Variants in LRP1B observed in about 807,000 individuals in gnomAD.
LRP1B encodes the protein LDL receptor related protein 1B, also known as low-density lipoprotein receptor-related protein 1B.
In LRP1B, 217 loss-of-function variants were observed where a neutral mutation model predicts 556.6. The observed-to-expected ratio is 0.39, with a 90% CI of 0.35 to 0.44. The LOEUF (loss-of-function observed/expected upper bound fraction) is 0.44. LRP1B is among the 20% of genes least tolerant of loss of function. The pLI is 1.00. For synonymous variants in LRP1B, 2,047 were observed against 1,865.8 expected (o/e 1.10, Z -2.50); for missense variants, 5,053 against 5,620.8 (o/e 0.90, Z 3.23).
At chr2:140,987,272 T>A (rs1252677397) in intron 17 of LRP1B, among the ~76,000 whole-genome samples, 1 of 152,136 alleles carries the variant, frequency 6.6e-6, no homozygotes, top group Admixed American at 6.5e-5. Flanking sequence ...AGCAGCAGAC[T>A]TCATCTGGCA....
At chr2:141,332,084 C>T (rs1019253323) in intron 3 of LRP1B, among the ~76,000 whole-genome samples, 1 of 152,004 alleles carries the variant, frequency 6.6e-6, no homozygotes, top group Non-Finnish European at 1.5e-5. Context: ...ATCTTGGCAA[C>T]TATGGAGCTA....
chr2:140,562,296 C>T (rs2105080801), intron 43 of LRP1B, among the ~76,000 whole-genome samples: 1 of 152,212 alleles, frequency 6.6e-6, no homozygotes, highest in East Asian at 1.9e-4. Context: ...CGAAAATATA[C>T]TAATGGTTTT....
At chr2:141,077,514 GTTACTC>G (rs1699818369) in intron 7 of LRP1B, among the ~76,000 whole-genome samples, 1 of 152,148 alleles carries the variant, frequency 6.6e-6, no homozygotes, top group Non-Finnish European at 1.5e-5. Context: ...GTGGTCCACA[GTTACTC>G]AAACACTAAT....
intron 29 of LRP1B, among the ~76,000 whole-genome samples, chr2:140,846,916 A>G (rs1692290957): frequency 6.6e-6 from 1 of 152,238 alleles, no homozygotes; most frequent in Non-Finnish European, 1.5e-5. Flanking sequence ...TAATGGAAAG[A>G]TATATCCATC....
chr2:141,881,347 G>T (rs1698951447), intron 1 of LRP1B, among the ~76,000 whole-genome samples: 1 of 152,034 alleles, frequency 6.6e-6, no homozygotes, highest in Non-Finnish European at 1.5e-5. Flanking sequence ...ACAAACAATT[G>T]TGAGGAGGAA....
At chr2:141,923,583 T>C (rs768785005) in intron 1 of LRP1B, among the ~76,000 whole-genome samples, 1 of 150,626 alleles carries the variant, frequency 6.6e-6, no homozygotes, top group Non-Finnish European at 1.5e-5. Flanking sequence ...CCAGTTGCCC[T>C]ATATGGTAAT....
chr2:141,125,844 C>CAA (rs386391362), intron 7 of LRP1B, among the ~76,000 whole-genome samples: 45,396 of 101,434 alleles, frequency 0.45, 10,046 homozygotes, highest in Non-Finnish European at 0.51. Flanking sequence ...CTTTCAAATG[C>CAA]AAAAAAAAAA....
At chr2:141,496,939 C>T (rs1372923601) in intron 2 of LRP1B, among the ~76,000 whole-genome samples, 1 of 151,958 alleles carries the variant, frequency 6.6e-6, no homozygotes, top group Non-Finnish European at 1.5e-5. Flanking sequence ...TACAAATGAT[C>T]TGATCATATG....
At position 141,073,369 on chromosome 2, in the gene LRP1B, T is replaced by C. The variant is rs536932108; in HGVS notation, c.1014-11096A>G. ...CTCCTTTTTGGCATTTTTTTTCTCT[T>C]AGCACTCTCTTGGTTTTCTTCCTAC... On this transcript the variant is annotated intron_variant, in intron 7 of 90. Coordinates refer to ENST00000389484, the MANE Select transcript of LRP1B (RefSeq NM_018557.3). Among the ~76,000 whole-genome samples the C allele has an allele frequency of 2.6e-5, 4 of 152,204 alleles. No individual in the cohort carries two copies. The South Asian group carries it at 8.3e-4, about 32-fold the overall frequency.
At position 141,061,359 on chromosome 2, in the gene LRP1B, T is replaced by C. The variant is rs1179024790; in HGVS notation, c.1236+692A>G. 1.5e-4 allele frequency among the ~76,000 whole-genome samples: 23 copies of C among 151,832 alleles called. 1 individual carries two copies. Among genetic ancestry groups the C allele is most frequent in the Admixed American group, 1.3e-4 (2 of 15,210 alleles). ...ATTCACATATTTCAGCTCCATAGAC[T>C]AAGAATCTCACATAAAATAAGTGCC... On this transcript the variant is annotated intron_variant, in intron 8 of 90. Coordinates refer to ENST00000389484, the MANE Select transcript of LRP1B (RefSeq NM_018557.3).
intron 41 of LRP1B, 97 bp from the exon 42 acceptor site, chr2:140,601,736 A>G (rs895331119): frequency 9.1e-6 from 6 of 658,592 alleles, no homozygotes; most frequent in African/African-American, 1.8e-5. Flanking sequence ...TATACCTGTT[A>G]TTTCATCAAC....
chr2:140,834,451 G>C (rs895642889), intron 31 of LRP1B, among the ~76,000 whole-genome samples: 1 of 152,096 alleles, frequency 6.6e-6, no homozygotes, highest in Non-Finnish European at 1.5e-5. Flanking sequence ...TTTTAGCCAG[G>C]ATGATCTGGA....
At chr2:140,934,748 T>C (rs1337826562) in intron 20 of LRP1B, among the ~76,000 whole-genome samples, 1 of 152,138 alleles carries the variant, frequency 6.6e-6, no homozygotes, top group Non-Finnish European at 1.5e-5. Flanking sequence ...GTGGTGGCCA[T>C]TGTCATTGCA....
At chr2:142,068,426 G>A (rs1011671109) in intron 1 of LRP1B, among the ~76,000 whole-genome samples, 2 of 151,506 alleles carry the variant, frequency 1.3e-5, no homozygotes, top group East Asian at 3.9e-4. Context: ...ACTTGAAAGA[G>A]AAGCTTCTTC....
At position 141,520,210 on chromosome 2, in the gene LRP1B, A is replaced by G. The variant is rs556893171; in HGVS notation, c.206-39677T>C. Among the ~76,000 whole-genome samples, 10 of 152,308 alleles carry G rather than the reference A, an allele frequency of 6.6e-5. No homozygotes were observed. In the South Asian group the frequency reaches 2.1e-3, roughly 32 times the overall value. ...AGTAATTCCTAAATAAGAATAAGGC[A>G]AGTGGATTTTAATAAAGGGCAATAC... On this transcript the variant is annotated intron_variant, in intron 2 of 90. Transcript: ENST00000389484.
At chr2:141,713,630 A>T (rs1343718930) in intron 2 of LRP1B, among the ~76,000 whole-genome samples, 1 of 152,190 alleles carries the variant, frequency 6.6e-6, no homozygotes, top group Admixed American at 6.5e-5. Context: ...TACCCTAGTA[A>T]ATTGCCAAAT....
Position 140,658,672 on chromosome 2 carries a change from G to A in LRP1B, c.6799+41578C>T, listed in dbSNP as rs184015640. Among the ~76,000 whole-genome samples, 522 of 151,572 alleles carry A rather than the reference G, an allele frequency of 3.4e-3. 4 individuals are homozygous for A. Among genetic ancestry groups the A allele is most frequent in the Middle Eastern group, 0.014 (4 of 292 alleles). ...TACATTAGGATCAAATGTTTTTAACGCAATATGTCTACATTTATTTATTTA... is the reference window on the plus strand; with the variant it reads ...TACATTAGGATCAAATGTTTTTAACACAATATGTCTACATTTATTTATTTA... On this transcript the variant is annotated intron_variant, in intron 41 of 90. Coordinates refer to ENST00000389484, the MANE Select transcript of LRP1B (RefSeq NM_018557.3).
At chr2:141,213,739 T>G (rs1379662032) in intron 6 of LRP1B, among the ~76,000 whole-genome samples, 1 of 152,266 alleles carries the variant, frequency 6.6e-6, no homozygotes, top group Non-Finnish European at 1.5e-5. Flanking sequence ...TCTAGATCAA[T>G]TGTAATACCA....
At chr2:140,466,132 T>G (rs1687539736) in intron 60 of LRP1B, among the ~76,000 whole-genome samples, 1 of 151,128 alleles carries the variant, frequency 6.6e-6, no homozygotes, top group African/African-American at 2.4e-5. Context: ...TTCTTTTTTT[T>G]TTTTTTTTGG....
Sources: allele counts gnomAD v4.1 joint callset (sites outside exome capture counted in the v4.1 genomes callset), GRCh38; gene constraint gnomAD v4.1.1; transcripts MANE v1.5; gene names NCBI Gene and HGNC (gene_info 2026-07-23, HGNC 2026-07-21).